The following CDH16 variants were observed in gnomAD, a reference collection of about 807,000 sequenced individuals.
CDH16 encodes the protein cadherin 16.
A neutral mutation model predicts 87.6 loss-of-function variants in CDH16; 79 were observed. That is an observed-to-expected ratio of 0.90 (90% CI 0.75 to 1.09). CDH16 has a LOEUF of 1.09. Ranked by LOEUF, CDH16 falls within the 50% of genes least tolerant of loss-of-function variation. The probability of loss-of-function intolerance (pLI) is 0.00; values close to 1 mark genes in which losing one functional copy is unlikely to be tolerated. For missense variants in CDH16, 1,124 were observed against 1,071.7 expected, an observed-to-expected ratio of 1.05 and a Z score of -0.68; for synonymous variants, 457 against 439.5, an observed-to-expected ratio of 1.04 and a Z score of -0.50.
In CDH16 at chr16:66,912,179, C is replaced by T. The variant is rs190629186; in HGVS notation, c.1549-39G>A. Reference sequence around the variant, plus strand: ...GCCCAGGTCACTGTGCGGGCCTGGGCAAGGCACATGTGCATGCATGCGTGC... The same window carrying T: ...GCCCAGGTCACTGTGCGGGCCTGGGTAAGGCACATGTGCATGCATGCGTGC... On this transcript the variant is annotated intron_variant, in intron 12 of 17. Transcript: ENST00000299752. The T allele has an allele frequency of 1.0e-5, 16 of 1,604,154 alleles. No homozygotes were observed. In the East Asian group the frequency reaches 3.6e-4, roughly 36 times the overall value.
At position 66,916,356 on chromosome 16, in the gene CDH16, G is replaced by T; in HGVS notation, c.203C>A (p.Pro68Gln). The T allele has an allele frequency of 6.2e-7, 1 of 1,614,098 alleles. No individual in the cohort carries two copies. Among genetic ancestry groups the T allele is most frequent in the South Asian group, 1.1e-5 (1 of 91,052 alleles). ...SGDSGKATEG[P>Q]FAMDPDSGFL... is the part of the protein sequence containing the mutation. ...GCCAGAATCTGGATCCATAGCAAAT[G>T]GGCCCTCAGTTGCCTTGCCTGAGTC... Residue 68 changes from proline (P) to glutamine (Q), a missense_variant, in exon 4 of 18, where the codon CCA becomes CAA. Transcript: ENST00000299752. This position sits in a 1 kb window ranked among gnomAD's most constrained non-coding sequence, Gnocchi z 4.1.
At chr16:66,915,412 T>C in intron 5 of CDH16, 34 bp from the exon 6 acceptor site, 1 of 1,604,890 alleles carries the variant, frequency 6.2e-7, no homozygotes. Context: ...CTGTAAGGGA[T>C]AGAGAGGGTG....
rs199547959 is a variant in CDH16, at chr16:66,913,526, C to T, written c.868G>A (p.Val290Met). 23 of 1,614,118 alleles carry T rather than the reference C, an allele frequency of 1.4e-5. No homozygotes were observed. The East Asian group carries it at 2.5e-4, about 17-fold the overall frequency. The change falls in exon 8 of 18, where the codon GTG (valine) becomes ATG (methionine). Residue 290 changes from valine to methionine, a missense_variant. Physicochemically the swap from Val to Met is conservative, Grantham distance 21. Coordinates refer to ENST00000299752, the MANE Select transcript of CDH16 (RefSeq NM_004062.4). ...GCTTCTCTGTCCAGCTCTCTGGTCA[C>T]GTAGAGGTTTCCCTCTGCATTCACT... ...FEVNAEGNLY[V>M]TRELDREAQA...
Position 66,914,377 on chromosome 16 carries a change from A to G in CDH16, c.619T>C (p.Tyr207His). ...TCCTTGACCTGTACCAACAGCTGGT[A>G]GGTCCTCTCCAGGGCGTGGTCAAGG... is the stretch of plus-strand genomic sequence containing the variant. ...TSLDHALERT[Y>H]QLLVQVKDMG... Residue 207 changes from tyrosine to histidine, a missense_variant, in exon 7 of 18, where the codon TAC (tyrosine) becomes CAC (histidine). By Grantham distance (83) the Tyr-to-His change is moderately conservative. Coordinates refer to ENST00000299752, the MANE Select transcript of CDH16 (RefSeq NM_004062.4). 6.2e-7 allele frequency: 1 copy of G among 1,614,166 alleles called. No homozygotes were observed. The highest frequency in any genetic ancestry group is 8.5e-7 in the Non-Finnish European group (1 of 1,179,998).
chr16:66,916,512 T>A lies in CDH16; in HGVS notation c.130-83A>T. ...CTCCACCTGATGGCCTCATTTTACA[T>A]GTGGGGAAACTGAGTCTCAGAGACA... On this transcript the variant is annotated intron_variant, in intron 3 of 17. Transcript: ENST00000299752. This position sits in a 1 kb window ranked among gnomAD's most constrained non-coding sequence, Gnocchi z 4.1. 1 of 1,441,770 alleles carries A rather than the reference T, an allele frequency of 6.9e-7. No individual in the cohort carries two copies. The highest frequency in any genetic ancestry group is 1.4e-5 in the South Asian group (1 of 70,922). The allele number at this position is 1,441,770 out of a possible 1,614,324, so 89.3% of individuals were successfully genotyped here.
intron 14 of CDH16, chr16:66,910,756 C>T (rs1285969166): frequency 2.4e-5 from 10 of 412,874 alleles, no homozygotes; most frequent in Non-Finnish European, 3.4e-5. Context: ...CGGGGCTCCC[C>T]ACCCCAGGGC....
chr16:66,909,958 T>G lies in CDH16; in HGVS notation c.2275+28A>C. 1 of 1,522,384 alleles carries G rather than the reference T, an allele frequency of 6.6e-7. No individual in the cohort carries two copies. Among genetic ancestry groups the G allele is most frequent in the Non-Finnish European group, 9.0e-7 (1 of 1,113,438 alleles). 94.3% of individuals were successfully genotyped at this position (1,522,384 alleles called of 1,614,324 possible). A position where few individuals can be genotyped will look rare whatever the true frequency, so the allele number is the denominator to read the frequency against. The stretch of plus-strand genomic sequence containing the variant: ...GCATCCCAGCGGTTCCCTCAGGAAC[T>G]GCAGGCTGCACCCAAGCCCAATCTC... On this transcript the variant is annotated intron_variant, in intron 16 of 17. Transcript: ENST00000299752. This position sits in a 1 kb window ranked among gnomAD's most constrained non-coding sequence, Gnocchi z 4.1.
chr16:66,913,360 G>A (rs1962521966), intron 8 of CDH16, 79 bp from the exon 9 acceptor site: 2 of 1,552,588 alleles, frequency 1.3e-6, no homozygotes, highest in Non-Finnish European at 1.7e-6. Flanking sequence ...TCCTTCCGGT[G>A]GGCCAGCTCC....
At position 66,913,172 on chromosome 16, in the gene CDH16, G is replaced by T. The variant is rs973994633; in HGVS notation, c.1013C>A (p.Pro338His). ...DENDNVPICP[P>H]RDPTVSIPEL... ...AGGGATGCTGACTGTGGGGTCACGG[G>T]GAGGGCAGATAGGCACGTTGTCATT... The change falls in exon 9 of 18, where the codon CCC becomes CAC. Residue 338 changes from proline (P) to histidine (H), a missense_variant. Coordinates refer to ENST00000299752, the MANE Select transcript of CDH16 (RefSeq NM_004062.4). 6.2e-7 allele frequency: 1 copy of T among 1,609,604 alleles called. No homozygotes were observed. The highest frequency in any genetic ancestry group is 1.3e-5 in the African/African-American group (1 of 74,784).
intron 7 of CDH16, 95 bp from the exon 8 acceptor site, chr16:66,913,708 G>A (rs567471761): frequency 1.3e-6 from 2 of 1,517,172 alleles, no homozygotes; most frequent in Admixed American, 1.9e-5. Flanking sequence ...GCCCAACTGT[G>A]TGACCCAGGC....
At position 66,913,182 on chromosome 16, in the gene CDH16, T is replaced by A; in HGVS notation, c.1003A>T (p.Ile335Phe). Residue 335 changes from isoleucine to phenylalanine, a missense_variant, in exon 9 of 18, where the codon ATC becomes TTC. Physicochemically the swap from Ile to Phe is conservative, Grantham distance 21. Transcript: ENST00000299752. ...LVMDENDNVP[I>F]CPPRDPTVSI... ...ACTGTGGGGTCACGGGGAGGGCAGATAGGCACGTTGTCATTCTCATCCATC... is the reference window on the plus strand; with the variant it reads ...ACTGTGGGGTCACGGGGAGGGCAGAAAGGCACGTTGTCATTCTCATCCATC... The A allele has an allele frequency of 6.2e-7, 1 of 1,608,136 alleles. No homozygotes were observed. Among genetic ancestry groups the A allele is most frequent in the African/African-American group, 1.3e-5 (1 of 74,852 alleles).
At position 66,909,671 on chromosome 16, in the gene CDH16, C is replaced by T. The variant is rs1962320141; in HGVS notation, c.2276-288G>A. Among the ~76,000 whole-genome samples the T allele has an allele frequency of 6.6e-6, 1 of 152,124 alleles. No homozygotes were observed. The highest frequency in any genetic ancestry group is 2.1e-4 in the South Asian group (1 of 4,828). On this transcript the variant is annotated intron_variant, in intron 16 of 17. Transcript: ENST00000299752. This position sits in a 1 kb window ranked among gnomAD's most constrained non-coding sequence, Gnocchi z 4.1. The stretch of plus-strand genomic sequence containing the variant: ...ATTAGCAGGGCATGATGGTGCACAC[C>T]TGTAATCCCAGCTTCTTGGGAGGCT...
At chr16:66,910,550 G>A in intron 14 of CDH16, 48 bp from the exon 15 acceptor site, 1 of 1,458,328 alleles carries the variant, frequency 6.9e-7, no homozygotes, top group Non-Finnish European at 9.1e-7. Context: ...CAGGGGGAGG[G>A]TGAGCTCTGA....
chr16:66,909,804 A>G lies in CDH16; in HGVS notation c.2275+182T>C, dbSNP rs1360673696. On this transcript the variant is annotated intron_variant, in intron 16 of 17. Coordinates refer to ENST00000299752, the MANE Select transcript of CDH16 (RefSeq NM_004062.4). The surrounding 1 kb of genome is among the most constrained non-coding windows in gnomAD (Gnocchi z 4.1). ...GAGTGAGACTCTGTCTCAAAAAAAA[A>G]TGTATGTGCCTCTGTGCCTGTTCCT... Among the ~76,000 whole-genome samples, 2 of 152,132 alleles carry G rather than the reference A, an allele frequency of 1.3e-5. No individual in the cohort carries two copies. The highest frequency in any genetic ancestry group is 3.9e-4 in the East Asian group (2 of 5,182).
chr16:66,908,776 T>G (rs925801976), intron 17 of CDH16, among the ~76,000 whole-genome samples: 1 of 152,028 alleles, frequency 6.6e-6, no homozygotes. Flanking sequence ...TCCATGGACC[T>G]CCAAGAGAAA....
At chr16:66,914,001 G>T (rs972929064) in intron 7 of CDH16, among the ~76,000 whole-genome samples, 1 of 152,234 alleles carries the variant, frequency 6.6e-6, no homozygotes, top group Non-Finnish European at 1.5e-5. Flanking sequence ...AGAGCACAGA[G>T]TCACGCCTGC....
At chr16:66,915,092 C>A (rs976321256) in intron 6 of CDH16, 128 bp downstream of exon 6, 9 of 869,722 alleles carry the variant, frequency 1.0e-5, no homozygotes, top group Non-Finnish European at 1.4e-5. Flanking sequence ...GTTGCTGTCT[C>A]CACCTAGAGT....
Position 66,908,266 on chromosome 16 carries a change from C to T in CDH16, c.*126G>A, listed in dbSNP as rs1962243973. 1.4e-6 allele frequency: 1 copy of T among 727,314 alleles called. No homozygotes were observed. Among genetic ancestry groups the T allele is most frequent in the Non-Finnish European group, 2.4e-6 (1 of 425,030 alleles). The allele number at this position is 727,314 out of a possible 1,614,324, so 45.1% of individuals were successfully genotyped here. A position where few individuals can be genotyped will look rare whatever the true frequency, so the allele number is the denominator to read the frequency against. Reference sequence around the variant, plus strand: ...CCTGGTGATGGTGATGGTGCCTCCACCCCAGGGCAGATGGAGGGGCTTCTA... The same window carrying T: ...CCTGGTGATGGTGATGGTGCCTCCATCCCAGGGCAGATGGAGGGGCTTCTA... On this transcript the variant is annotated 3_prime_UTR_variant, in exon 18 of 18. Coordinates refer to ENST00000299752, the MANE Select transcript of CDH16 (RefSeq NM_004062.4).
At chr16:66,908,653 C>T (rs1315018276) in intron 17 of CDH16, among the ~76,000 whole-genome samples, 164 bp from the exon 18 acceptor site, 3 of 152,150 alleles carry the variant, frequency 2.0e-5, no homozygotes, top group Non-Finnish European at 4.4e-5. Context: ...CCTGGAGAAG[C>T]TTGACTCCTC....
Sources: gnomAD v4.1 joint callset for allele counts (sites outside exome capture counted in the v4.1 genomes callset) on GRCh38, gnomAD v4.1.1 for gene constraint, Gnocchi (gnomAD v3.1) non-coding constraint, MANE v1.5 for transcripts, NCBI Gene and HGNC (gene_info 2026-07-23, HGNC 2026-07-21) for gene names.